The following VSTM2L variants were observed in gnomAD, a reference collection of about 807,000 sequenced individuals.
VSTM2L encodes V-set and transmembrane domain containing 2 like, also known as V-set and transmembrane domain-containing protein 2-like protein.
In VSTM2L, 9 loss-of-function variants were observed where a neutral mutation model predicts 19.9. The observed-to-expected ratio is 0.45, with a 90% CI of 0.27 to 0.79. The LOEUF (loss-of-function observed/expected upper bound fraction) is 0.79. Among genes scored for constraint, VSTM2L ranks in the 30% least tolerant of loss-of-function variants. VSTM2L has a pLI of 0.15. For synonymous variants in VSTM2L, 127 were observed against 133.8 expected (o/e 0.95, Z 0.35); for missense variants, 286 against 295.5 (o/e 0.97, Z 0.24).
rs76223040 is a variant in VSTM2L at position 37,917,709 on chromosome 20, C to A, written c.122-13926C>A. 3.9e-5 allele frequency among the ~76,000 whole-genome samples: 6 copies of A among 152,326 alleles called. No homozygotes were observed. In the East Asian group the frequency reaches 1.2e-3, roughly 29 times the overall value. On this transcript the variant is annotated intron_variant, in intron 1 of 3. Coordinates refer to ENST00000373461, the MANE Select transcript of VSTM2L (RefSeq NM_080607.3). ...TGCCCGACCGTCCCCCTGGCCCCTT[C>A]CCCTGTTAGCCACCACACCAGCACT...
intron 1 of VSTM2L, among the ~76,000 whole-genome samples, chr20:37,912,960 T>TC (rs2122940582): frequency 6.6e-6 from 1 of 152,286 alleles, no homozygotes; most frequent in South Asian, 2.1e-4. Flanking sequence ...GTCTGTTGGA[T>TC]CCATCTTCCC....
At chr20:37,939,762 G>GCACT (rs1451976889) in intron 3 of VSTM2L, among the ~76,000 whole-genome samples, 2 of 152,172 alleles carry the variant, frequency 1.3e-5, no homozygotes, top group Non-Finnish European at 2.9e-5. Flanking sequence ...ATTGTGGTAG[G>GCACT]CACTCGCTAA....
chr20:37,931,684 C>T lies in VSTM2L; in HGVS notation c.171C>T (p.Asp57=), dbSNP rs767931574. The change falls in exon 2 of 4, where the codon GAC becomes GAT. Residue 57 remains aspartate, a synonymous_variant. Coordinates refer to ENST00000373461, the MANE Select transcript of VSTM2L (RefSeq NM_080607.3). ...PHDMTARTGE[D]VEMACSFRGS... ...ACATGACAGCACGGACGGGCGAGGA[C>T]GTGGAGATGGCCTGCTCCTTCCGCG... 6.1e-5 allele frequency: 98 copies of T among 1,613,528 alleles called. No individual in the cohort carries two copies. Among genetic ancestry groups the T allele is most frequent in the Middle Eastern group, 1.6e-4 (1 of 6,082 alleles).
chr20:37,943,596 G>A lies in VSTM2L; in HGVS notation c.343-385G>A, dbSNP rs932266687. On this transcript the variant is annotated intron_variant, in intron 3 of 3. Transcript: ENST00000373461. ...CTGTCTATTTTAAACTTCCACACCC[G>A]GAAGACCCCAAAACCAGTATAGAGT... Among the ~76,000 whole-genome samples the A allele has an allele frequency of 3.9e-5, 6 of 151,974 alleles. No individual in the cohort carries two copies. The East Asian group carries it at 5.8e-4, about 15-fold the overall frequency.
chr20:37,905,311 G>A (rs1486232951), intron 1 of VSTM2L, among the ~76,000 whole-genome samples: 2 of 152,196 alleles, frequency 1.3e-5, no homozygotes, highest in Non-Finnish European at 2.9e-5. Flanking sequence ...GCTTATGGTC[G>A]TTCTGTCCCT....
At chr20:37,932,234 A>G (rs1250605198) in intron 2 of VSTM2L, among the ~76,000 whole-genome samples, 1 of 152,162 alleles carries the variant, frequency 6.6e-6, no homozygotes, top group Non-Finnish European at 1.5e-5. Flanking sequence ...TCACAGGCAC[A>G]CACGCATACG....
chr20:37,930,899 A>C (rs2072904869), intron 1 of VSTM2L, among the ~76,000 whole-genome samples: 1 of 152,164 alleles, frequency 6.6e-6, no homozygotes, highest in African/African-American at 2.4e-5. Flanking sequence ...GAGCTGCCGC[A>C]GGCAACAGGG....
In VSTM2L at chr20:37,903,231, G is replaced by A. The variant is rs1189719597; in HGVS notation, c.-120G>A. ...TGGGCCGGGTCCGGGGACAGCGGGCGAGGGGCAGCTGCCGGAGCCGGGCAG... is the reference window on the plus strand; with the variant it reads ...TGGGCCGGGTCCGGGGACAGCGGGCAAGGGGCAGCTGCCGGAGCCGGGCAG... On this transcript the variant is annotated 5_prime_UTR_variant, in exon 1 of 4. Coordinates refer to ENST00000373461, the MANE Select transcript of VSTM2L (RefSeq NM_080607.3). 1.7e-6 allele frequency: 2 copies of A among 1,195,060 alleles called. No homozygotes were observed. The highest frequency in any genetic ancestry group is 1.0e-6 in the Non-Finnish European group (1 of 954,154). The allele number at this position is 1,195,060 out of a possible 1,614,324, so 74.0% of individuals were successfully genotyped here.
intron 1 of VSTM2L, among the ~76,000 whole-genome samples, chr20:37,921,838 CTTTT>C (rs756122087): frequency 1.1e-5 from 1 of 91,782 alleles, no homozygotes; most frequent in Non-Finnish European, 2.0e-5. Flanking sequence ...CTTTCTTTTC[CTTTT>C]TTTTTTTTTT....
chr20:37,920,840 GT>G (rs1236476343), intron 1 of VSTM2L, among the ~76,000 whole-genome samples: 3 of 152,218 alleles, frequency 2.0e-5, no homozygotes, highest in African/African-American at 7.2e-5. Flanking sequence ...ATGCCTATTG[GT>G]TTTTTCCTTA....
intron 1 of VSTM2L, among the ~76,000 whole-genome samples, chr20:37,907,697 C>T (rs2122932084): frequency 6.6e-6 from 1 of 152,210 alleles, no homozygotes; most frequent in South Asian, 2.1e-4. Context: ...ACACCCACCC[C>T]TAGGCCAGCA....
chr20:37,905,427 T>A (rs1183624618), intron 1 of VSTM2L, among the ~76,000 whole-genome samples: 4 of 152,168 alleles, frequency 2.6e-5, no homozygotes, highest in Non-Finnish European at 4.4e-5. Flanking sequence ...TGTGTGACAG[T>A]CTCTACCTGT....
chr20:37,941,158 A>G (rs910103117), intron 3 of VSTM2L, among the ~76,000 whole-genome samples: 1 of 152,242 alleles, frequency 6.6e-6, no homozygotes. Context: ...AACCACTCAC[A>G]TGGACAAAAT....
chr20:37,942,625 C>G (rs1341649928), intron 3 of VSTM2L, among the ~76,000 whole-genome samples: 3 of 152,220 alleles, frequency 2.0e-5, no homozygotes, highest in East Asian at 3.8e-4. Context: ...AGAAGTCAGT[C>G]AGAAAGCGGG....
intron 1 of VSTM2L, among the ~76,000 whole-genome samples, chr20:37,920,120 G>T (rs1198051753): frequency 6.6e-6 from 1 of 152,162 alleles, no homozygotes; most frequent in East Asian, 1.9e-4. Context: ...CCCTTACTCT[G>T]TCTTCATCAC....
chr20:37,926,246 G>T (rs1333227934), intron 1 of VSTM2L, among the ~76,000 whole-genome samples: 1 of 152,180 alleles, frequency 6.6e-6, no homozygotes, highest in African/African-American at 2.4e-5. Flanking sequence ...ATTTTTGGTA[G>T]AGACGAGGTT....
chr20:37,925,199 C>A (rs1180939455), intron 1 of VSTM2L, among the ~76,000 whole-genome samples: 1 of 152,028 alleles, frequency 6.6e-6, no homozygotes, highest in Non-Finnish European at 1.5e-5. Flanking sequence ...CATTTTCAGG[C>A]CTGCCTCTGC....
chr20:37,913,164 C>T (rs147706698), intron 1 of VSTM2L, among the ~76,000 whole-genome samples: 212 of 152,302 alleles, frequency 1.4e-3, no homozygotes, highest in African/African-American at 4.6e-3. Context: ...GGGACACTGA[C>T]GCTTGTCTAC....
intron 1 of VSTM2L, among the ~76,000 whole-genome samples, chr20:37,924,524 A>G (rs1426987278): frequency 6.6e-6 from 1 of 150,490 alleles, no homozygotes; most frequent in Admixed American, 6.6e-5. Context: ...ACTGCACTCC[A>G]GCCTGGGTAA....
Sources: gnomAD v4.1 joint callset for allele counts (sites outside exome capture counted in the v4.1 genomes callset) on GRCh38, gnomAD v4.1.1 for gene constraint, MANE v1.5 for transcripts, NCBI Gene and HGNC (gene_info 2026-07-23, HGNC 2026-07-21) for gene names.